NKAIN3: variants seen among roughly 807,000 people sequenced by gnomAD.
The protein encoded by NKAIN3 is sodium/potassium-transporting ATPase subunit beta-1-interacting protein 3.
In NKAIN3, 25 loss-of-function variants were observed where a neutral mutation model predicts 30.2. The ratio of observed to expected loss-of-function variants is 0.83; its 90% CI spans 0.60 to 1.16. The LOEUF (loss-of-function observed/expected upper bound fraction) is 1.16. Ranked by LOEUF, NKAIN3 falls within the 50% of genes most tolerant of loss-of-function variation. The pLI is 0.00. For missense variants in NKAIN3, 225 were observed against 254.1 expected (o/e 0.89, Z 0.78); for synonymous variants, 91 against 89.6 (o/e 1.02, Z -0.09).
chr8:62,428,456 A>T (rs747808397), intron 1 of NKAIN3, among the ~76,000 whole-genome samples: 8 of 151,836 alleles, frequency 5.3e-5, no homozygotes, highest in African/African-American at 1.9e-4. Flanking sequence ...TAATTTGTAT[A>T]ATCTCCAACA....
intron 4 of NKAIN3, among the ~76,000 whole-genome samples, chr8:62,916,159 C>T (rs980204398): frequency 6.6e-6 from 1 of 152,040 alleles, no homozygotes; most frequent in Non-Finnish European, 1.5e-5. Flanking sequence ...AATGGCACTT[C>T]TGAAATAATA....
chr8:62,529,643 G>A (rs1423759978), intron 1 of NKAIN3, among the ~76,000 whole-genome samples: 1 of 152,082 alleles, frequency 6.6e-6, no homozygotes, highest in Non-Finnish European at 1.5e-5. Flanking sequence ...CACTGAATCT[G>A]TCAGTGCCAT....
chr8:62,624,892 G>A (rs2127580), intron 3 of NKAIN3, among the ~76,000 whole-genome samples: 73,007 of 151,434 alleles, frequency 0.48, 20,634 homozygotes, highest in African/African-American at 0.79. Flanking sequence ...CAGTCTACCA[G>A]TGAGTCCATA....
At chr8:62,509,657 G>A (rs1252604597) in intron 1 of NKAIN3, among the ~76,000 whole-genome samples, 5 of 152,112 alleles carry the variant, frequency 3.3e-5, no homozygotes, top group African/African-American at 1.2e-4. Flanking sequence ...TTGCCATAAA[G>A]CTATATCTGA....
At chr8:62,494,013 A>G (rs1263065461) in intron 1 of NKAIN3, among the ~76,000 whole-genome samples, 1 of 152,018 alleles carries the variant, frequency 6.6e-6, no homozygotes, top group Non-Finnish European at 1.5e-5. Context: ...TATGCCCTTT[A>G]TTTCTTTCTC....
rs144151863 is a variant in NKAIN3, at chr8:62,326,641, A to G, written c.54+77514A>G. Among the ~76,000 whole-genome samples the G allele has an allele frequency of 1.7e-3, 253 of 152,104 alleles. 1 individual carries two copies. In the Middle Eastern group the frequency reaches 0.02, roughly 12 times the overall value. On this transcript the variant is annotated intron_variant, in intron 1 of 6. Transcript: ENST00000623646. ...AATAAATTCAGATGAAGTTGGTTCA[A>G]AAAACTAAATGTATGTACCTTTTAT...
chr8:62,337,222 G>T (rs576456394), intron 1 of NKAIN3, among the ~76,000 whole-genome samples: 1 of 152,138 alleles, frequency 6.6e-6, no homozygotes, highest in South Asian at 2.1e-4. Flanking sequence ...ATTTTCACTG[G>T]TCAATGCAAT....
chr8:62,520,718 C>G (rs1808128161), intron 1 of NKAIN3, among the ~76,000 whole-genome samples: 2 of 151,966 alleles, frequency 1.3e-5, no homozygotes, highest in Non-Finnish European at 2.9e-5. Flanking sequence ...TCACACTGGC[C>G]TCATTTCGAG....
intron 1 of NKAIN3, among the ~76,000 whole-genome samples, chr8:62,290,375 G>T (rs6472004): frequency 0.062 from 9,469 of 152,150 alleles, 983 homozygotes; most frequent in African/African-American, 0.21. Context: ...TATTGGCTGT[G>T]GGTTTGTCAT....
chr8:62,857,677 C>A (rs575675841), intron 4 of NKAIN3, among the ~76,000 whole-genome samples: 1 of 152,150 alleles, frequency 6.6e-6, no homozygotes, highest in Non-Finnish European at 1.5e-5. Flanking sequence ...AGTTCTTATA[C>A]TGTGTTTTTC....
intron 3 of NKAIN3, among the ~76,000 whole-genome samples, chr8:62,666,745 G>A (rs936196894): frequency 6.6e-6 from 1 of 152,030 alleles, no homozygotes; most frequent in Non-Finnish European, 1.5e-5. Flanking sequence ...ATATTATGGT[G>A]CCAAATAGAA....
Position 62,627,664 on chromosome 8 carries a change from C to T in NKAIN3, c.273+37870C>T, listed in dbSNP as rs79935821. 1.1e-3 allele frequency among the ~76,000 whole-genome samples: 166 copies of T among 152,116 alleles called. 1 individual carries two copies. Among genetic ancestry groups the T allele is most frequent in the African/African-American group, 3.9e-3 (163 of 41,498 alleles). ...GTAATTACAACTTACCTTTCACAAC[C>T]GTTTTCAAGCTTAAAAATCTCCTTT... On this transcript the variant is annotated intron_variant, in intron 3 of 6. Coordinates refer to ENST00000623646, the MANE Select transcript of NKAIN3 (RefSeq NM_001304533.3).
At chr8:62,565,910 T>C (rs930354027) in intron 1 of NKAIN3, among the ~76,000 whole-genome samples, 5 of 152,148 alleles carry the variant, frequency 3.3e-5, no homozygotes, top group Admixed American at 1.3e-4. Context: ...GAATATCTTG[T>C]AATTTATTGA....
intron 4 of NKAIN3, among the ~76,000 whole-genome samples, chr8:62,891,289 A>T (rs1429148778): frequency 2.6e-5 from 4 of 152,172 alleles, no homozygotes; most frequent in African/African-American, 4.8e-5. Flanking sequence ...CCTGTGCTGG[A>T]TGTTTCCTGC....
At chr8:62,473,094 T>C (rs1295227007) in intron 1 of NKAIN3, 3 of 152,236 alleles carry the variant, frequency 2.0e-5, no homozygotes, top group Non-Finnish European at 4.4e-5. Flanking sequence ...TGCTGCTGTT[T>C]AATTCTCCTT....
intron 4 of NKAIN3, among the ~76,000 whole-genome samples, chr8:62,832,762 C>T (rs1464382821): frequency 1.3e-5 from 2 of 152,056 alleles, no homozygotes; most frequent in African/African-American, 2.4e-5. Flanking sequence ...CAACACCTCA[C>T]CATCAGCTTT....
chr8:62,851,040 C>A (rs1241579038), intron 4 of NKAIN3, among the ~76,000 whole-genome samples: 1 of 151,908 alleles, frequency 6.6e-6, no homozygotes, highest in Non-Finnish European at 1.5e-5. Flanking sequence ...TCTAAATTAC[C>A]TTGGGCAGTA....
At chr8:62,320,529 TG>T (rs1377153701) in intron 1 of NKAIN3, among the ~76,000 whole-genome samples, 1 of 152,132 alleles carries the variant, frequency 6.6e-6, no homozygotes, top group African/African-American at 2.4e-5. Flanking sequence ...GCAGGCCTGG[TG>T]GTGACAAAAT....
intron 4 of NKAIN3, among the ~76,000 whole-genome samples, chr8:62,911,958 A>G (rs974212034): frequency 1.3e-5 from 2 of 152,182 alleles, no homozygotes; most frequent in African/African-American, 2.4e-5. Context: ...CTAGGCCCAC[A>G]TGCCAGAAGG....
Sources: allele counts gnomAD v4.1 joint callset (sites outside exome capture counted in the v4.1 genomes callset), GRCh38; gene constraint gnomAD v4.1.1; transcripts MANE v1.5; gene names NCBI Gene and HGNC (gene_info 2026-07-23, HGNC 2026-07-21).